RBPJ: variants seen among roughly 807,000 people sequenced by gnomAD.
RBPJ encodes recombination signal binding protein for immunoglobulin kappa J region.
RBPJ carries 9 observed loss-of-function variants against 67.8 expected under a neutral mutation model. That is an observed-to-expected ratio of 0.13 (90% confidence interval 0.08 to 0.23). The LOEUF (loss-of-function observed/expected upper bound fraction) is 0.23, where lower values mean the gene tolerates loss of function less well. Ranked by LOEUF, RBPJ falls within the 10% of genes least tolerant of loss-of-function variation. The pLI is 1.00. For missense variants in RBPJ, 305 were observed against 595.6 expected (o/e 0.51, Z 5.08); for synonymous variants, 198 against 203.3 (o/e 0.97, Z 0.22).
chr4:26,290,110 G>T (rs2109286058), intron 1 of RBPJ, among the ~76,000 whole-genome samples: 1 of 150,020 alleles, frequency 6.7e-6, no homozygotes, highest in South Asian at 2.1e-4. Context: ...TGGGAGGGTT[G>T]CTTGAGGCCA....
the RBPJ span, among the ~76,000 whole-genome samples, chr4:26,151,173 C>T: frequency 6.6e-6 from 1 of 152,166 alleles, no homozygotes; most frequent in African/African-American, 2.4e-5. Context: ...TCAGTCTTGC[C>T]CGAAGACTCA....
At chr4:26,415,859 C>A (rs1214640944) in intron 4 of RBPJ, among the ~76,000 whole-genome samples, 1 of 152,130 alleles carries the variant, frequency 6.6e-6, no homozygotes, top group Non-Finnish European at 1.5e-5. Context: ...CAGTAAGCTT[C>A]CCCAGCTTGC....
chr4:26,130,124 G>A, the RBPJ span, among the ~76,000 whole-genome samples: 2 of 152,114 alleles, frequency 1.3e-5, no homozygotes, highest in Admixed American at 6.5e-5. Context: ...GGCCTCCAAA[G>A]TGCTGGGATT....
chr4:26,299,254 T>C (rs1387401173), intron 1 of RBPJ, among the ~76,000 whole-genome samples: 1 of 152,230 alleles, frequency 6.6e-6, no homozygotes, highest in Non-Finnish European at 1.5e-5. Flanking sequence ...TTAATTTTAA[T>C]GGTTTACAAA....
At chr4:26,134,410 C>G in the RBPJ span, among the ~76,000 whole-genome samples, 1 of 152,220 alleles carries the variant, frequency 6.6e-6, no homozygotes, top group South Asian at 2.1e-4. Flanking sequence ...CTGGCTGGGA[C>G]ACTTCTAAGC....
chr4:26,141,307 A>G, the RBPJ span, among the ~76,000 whole-genome samples: 12 of 152,230 alleles, frequency 7.9e-5, no homozygotes, highest in Non-Finnish European at 1.8e-4. Context: ...AAAAGCCTTC[A>G]GGAGAAAGAA....
intron 1 of RBPJ, among the ~76,000 whole-genome samples, chr4:26,240,936 G>C (rs1028493543): frequency 2.6e-5 from 4 of 152,024 alleles, no homozygotes; most frequent in Admixed American, 2.0e-4. Context: ...GCAAATCAAG[G>C]CTTTACTAAT....
chr4:26,140,575 T>G, the RBPJ span, among the ~76,000 whole-genome samples: 2 of 151,578 alleles, frequency 1.3e-5, no homozygotes, highest in Non-Finnish European at 1.5e-5. Context: ...TCACAGTCAG[T>G]GACAAAAGAG....
the RBPJ span, among the ~76,000 whole-genome samples, chr4:26,139,674 GCA>G: frequency 1.8e-4 from 27 of 152,256 alleles, no homozygotes; most frequent in East Asian, 5.0e-3. Flanking sequence ...GCCTGGCATT[GCA>G]CAGAGTGGGG....
Position 26,270,421 on chromosome 4 carries a change from GAA to G in RBPJ, c.-166-92023_-166-92022del, listed in dbSNP as rs1177669396. On this transcript the variant is annotated intron_variant, in intron 1 of 4. Transcript: ENST00000512351. The stretch of plus-strand genomic sequence containing the variant: ...AGAAAGAAAGAAAGAAAGAAAGAAA[GAA>G]AGAAAGAAAGAAAGAAGAAAGAAAG... Among the ~76,000 whole-genome samples the G allele has an allele frequency of 4.8e-3, 257 of 53,482 alleles. 20 individuals are homozygous for G. The highest frequency in any genetic ancestry group is 0.012 in the African/African-American group (245 of 20,860). 35.1% of individuals were successfully genotyped at this position (53,482 alleles called of 152,430 possible). A position where few individuals can be genotyped will look rare whatever the true frequency, so the allele number is the denominator to read the frequency against.
chr4:26,363,927 T>G lies in RBPJ; in HGVS notation c.21-22426T>G, dbSNP rs574788971. 4.5e-3 allele frequency among the ~76,000 whole-genome samples: 679 copies of G among 152,262 alleles called. 7 individuals carry two copies. Among genetic ancestry groups the G allele is most frequent in the African/African-American group, 0.016 (648 of 41,546 alleles). ...GTTTTTATTTTTATAAAATTTTGAG[T>G]GATGTAATGAAAATTTTCTTAATTA... On this transcript the variant is annotated intron_variant, in intron 1 of 10. Coordinates refer to ENST00000355476, the MANE Select transcript of RBPJ (RefSeq NM_015874.6).
At chr4:26,113,574 A>G in the RBPJ span, 3 of 448,968 alleles carry the variant, frequency 6.7e-6, no homozygotes, top group Non-Finnish European at 8.8e-6. Flanking sequence ...CAGAAGCCCT[A>G]TGAATGCAAA....
At position 26,420,636 on chromosome 4, in the gene RBPJ, A is replaced by G; in HGVS notation, c.407A>G (p.Asn136Ser). 1 of 1,613,886 alleles carries G rather than the reference A, an allele frequency of 6.2e-7. No homozygotes were observed. Reference sequence around the variant, plus strand: ...TTGTCTGTAAAGATGTTCTATGGCAACAGTGATGACATTGGTGTGTTCCTC... The same window carrying G: ...TTGTCTGTAAAGATGTTCTATGGCAGCAGTGATGACATTGGTGTGTTCCTC... ...FMLSVKMFYG[N>S]SDDIGVFLSK... The change falls in exon 5 of 11, where the codon AAC becomes AGC. Residue 136 changes from asparagine to serine, a missense_variant. Asn to Ser is a conservative substitution (Grantham distance 46). Around this residue, in one of 7 missense-constraint regions of RBPJ, gnomAD observed 79 missense variants for 106.2 expected, o/e 0.74. Coordinates refer to ENST00000355476, the MANE Select transcript of RBPJ (RefSeq NM_015874.6).
At chr4:26,317,791 GGA>G (rs2109313437), upstream of RBPJ, among the ~76,000 whole-genome samples, 1 of 152,258 alleles carries the variant, frequency 6.6e-6, no homozygotes, top group East Asian at 1.9e-4. Context: ...GTGGAAGAAT[GGA>G]GTTGTCCTTT....
chr4:26,197,985 G>A (rs539053278), intron 1 of RBPJ, among the ~76,000 whole-genome samples: 2 of 152,212 alleles, frequency 1.3e-5, no homozygotes, highest in South Asian at 4.1e-4. Flanking sequence ...GGGCGCAGTG[G>A]CTCACTTCAC....
intron 1 of RBPJ, among the ~76,000 whole-genome samples, chr4:26,364,771 G>C (rs1003527208): frequency 1.3e-5 from 2 of 151,590 alleles, no homozygotes; most frequent in Non-Finnish European, 2.9e-5. Flanking sequence ...GATTACAGGC[G>C]CGAGCCACCA....
upstream of RBPJ, chr4:26,320,733 A>G: frequency 6.5e-7 from 1 of 1,550,106 alleles, no homozygotes; most frequent in Non-Finnish European, 8.7e-7. Context: ...GCGTCCTAAA[A>G]CCCGGATAAC....
At chr4:26,388,401 CCA>C (rs1406772478) in intron 2 of RBPJ, among the ~76,000 whole-genome samples, 1 of 152,044 alleles carries the variant, frequency 6.6e-6, no homozygotes, top group Non-Finnish European at 1.5e-5. Flanking sequence ...GTTTTGTTGC[CCA>C]TATAACCTCC....
intron 1 of RBPJ, among the ~76,000 whole-genome samples, chr4:26,244,315 G>C (rs7680489): frequency 2.5e-3 from 1 of 402 alleles, no homozygotes; most frequent in African/African-American, 5.1e-3. Context: ...ACATATGTGT[G>C]TATATGTATA....
Sources: allele counts gnomAD v4.1 joint callset (sites outside exome capture counted in the v4.1 genomes callset), GRCh38; gene constraint gnomAD v4.1.1; regional missense constraint gnomAD v4.1.1; transcripts MANE v1.5; gene names NCBI Gene and HGNC (gene_info 2026-07-23, HGNC 2026-07-21).